MALRD1: variants seen among roughly 807,000 people sequenced by gnomAD.
MALRD1 encodes MAM and LDL receptor class A domain containing 1.
In MALRD1, 247 loss-of-function variants were observed where a neutral mutation model predicts 242.1. The ratio of observed to expected loss-of-function variants is 1.02; its 90% CI spans 0.92 to 1.13. MALRD1 has a LOEUF of 1.13. Ranked by LOEUF, MALRD1 falls within the 50% of genes most tolerant of loss-of-function variation. MALRD1 has a pLI of 0.00. For synonymous variants in MALRD1, 995 were observed against 866.6 expected (o/e 1.15, Z -2.60); for missense variants, 2,989 against 2,533.1 (o/e 1.18, Z -3.86).
intron 1 of MALRD1, chr10:19,051,609 G>T: frequency 6.4e-6 from 1 of 156,086 alleles, no homozygotes; most frequent in South Asian, 2.0e-4. Flanking sequence ...ATGATAATTG[G>T]ACCTCCAAGA....
intron 26 of MALRD1, among the ~76,000 whole-genome samples, chr10:19,377,160 C>T (rs1845645934): frequency 6.6e-6 from 1 of 151,934 alleles, no homozygotes. Context: ...TGTTCAAGCA[C>T]CTTAATTCCA....
intron 28 of MALRD1, among the ~76,000 whole-genome samples, chr10:19,423,119 TTGGGAAGCCTAGCAATGGCTGTTTG>T (rs1406085314): frequency 4.6e-5 from 7 of 152,170 alleles, no homozygotes; most frequent in Non-Finnish European, 7.3e-5. Context: ...TTAGCAAGTT[TTGGGAAGCCTAGCAATGGCTGTTTG>T]AGGATCATCT....
intron 26 of MALRD1, among the ~76,000 whole-genome samples, chr10:19,363,677 A>T (rs562758202): frequency 7.6e-4 from 116 of 152,262 alleles, no homozygotes; most frequent in African/African-American, 2.8e-3. Flanking sequence ...ATAAGAAGCA[A>T]CTGGAAGTTT....
intron 36 of MALRD1, among the ~76,000 whole-genome samples, chr10:19,617,224 T>G (rs2131613959): frequency 6.6e-6 from 1 of 151,886 alleles, no homozygotes; most frequent in East Asian, 2.0e-4. Flanking sequence ...ACTTGAAAAA[T>G]TAAAATCCAG....
intron 34 of MALRD1, among the ~76,000 whole-genome samples, chr10:19,606,026 A>G (rs1340756679): frequency 2.6e-5 from 4 of 152,240 alleles, no homozygotes; most frequent in Admixed American, 1.3e-4. Flanking sequence ...TTTTCAGTCA[A>G]TGGAGATACA....
At chr10:19,704,040 A>G (rs1303860681) in intron 38 of MALRD1, among the ~76,000 whole-genome samples, 1 of 152,240 alleles carries the variant, frequency 6.6e-6, no homozygotes, top group African/African-American at 2.4e-5. Flanking sequence ...AACATTTGCA[A>G]TAAATGTTTA....
At chr10:19,647,676 A>G (rs1414936159) in intron 36 of MALRD1, among the ~76,000 whole-genome samples, 1 of 152,192 alleles carries the variant, frequency 6.6e-6, no homozygotes, top group Non-Finnish European at 1.5e-5. Flanking sequence ...CAACTGGTTT[A>G]ACCTGGGATA....
Position 19,066,736 on chromosome 10 carries a change from T to C in MALRD1, c.217T>C (p.Cys73Arg), listed in dbSNP as rs1283802556. Residue 73 changes from cysteine to arginine, a missense_variant, in exon 2 of 40, where the codon TGT (cysteine) becomes CGT (arginine). Physicochemically the swap from Cys to Arg is radical, Grantham distance 180. Coordinates refer to ENST00000454679, the MANE Select transcript of MALRD1 (RefSeq NM_001142308.3). ...DERHCLNYER[C>R]DFEDGLCHMT... Reference sequence around the variant, plus strand: ...CTCATTAGGTTTGAATTATGAAAGATGTGATTTTGAGGATGGTCTCTGTCA... The same window carrying C: ...CTCATTAGGTTTGAATTATGAAAGACGTGATTTTGAGGATGGTCTCTGTCA... 2.4e-6 allele frequency: 3 copies of C among 1,233,624 alleles called. No homozygotes were observed. The highest frequency in any genetic ancestry group is 3.0e-6 in the Non-Finnish European group (3 of 988,024). The allele number at this position is 1,233,624 out of a possible 1,614,324, so 76.4% of individuals were successfully genotyped here. A position where few individuals can be genotyped will look rare whatever the true frequency, so the allele number is the denominator to read the frequency against.
intron 32 of MALRD1, among the ~76,000 whole-genome samples, chr10:19,533,725 A>G (rs1834529738): frequency 6.6e-6 from 1 of 152,208 alleles, no homozygotes; most frequent in South Asian, 2.1e-4. Flanking sequence ...GACAGCATCC[A>G]GCCATGACAG....
rs71387059 is a variant in MALRD1 at position 19,270,807 on chromosome 10, A to AACACACACAC, written c.3080-9213_3080-9204dup. On this transcript the variant is annotated intron_variant, in intron 19 of 39. Coordinates refer to ENST00000454679, the MANE Select transcript of MALRD1 (RefSeq NM_001142308.3). ...AGGGTTAAGATGGCATTCAAAGGAT[A>AACACACACAC]ACACACACACACACACACACACACA... 6.4e-3 allele frequency among the ~76,000 whole-genome samples: 934 copies of AACACACACAC among 145,132 alleles called. 4 individuals are homozygous for AACACACACAC. Among genetic ancestry groups the AACACACACAC allele is most frequent in the East Asian group, 0.022 (103 of 4,750 alleles).
At chr10:19,638,947 C>G (rs747400636) in intron 36 of MALRD1, among the ~76,000 whole-genome samples, 1 of 151,682 alleles carries the variant, frequency 6.6e-6, no homozygotes, top group Admixed American at 6.6e-5. Flanking sequence ...CTCATGAATA[C>G]TAAGTTCTCA....
chr10:19,470,082 G>A (rs6481940), intron 29 of MALRD1, among the ~76,000 whole-genome samples: 130,778 of 151,756 alleles, frequency 0.86, 56,513 homozygotes, highest in East Asian at 1. Context: ...CTGAACCTTT[G>A]TACCCCTTAA....
intron 18 of MALRD1, among the ~76,000 whole-genome samples, chr10:19,238,899 T>C (rs1169328490): frequency 1.3e-5 from 2 of 151,942 alleles, no homozygotes; most frequent in African/African-American, 4.8e-5. Flanking sequence ...GTCTTTTACC[T>C]TTTTGGTAAT....
intron 23 of MALRD1, among the ~76,000 whole-genome samples, chr10:19,330,860 TA>T (rs71784448): frequency 0.084 from 12,304 of 146,894 alleles, 1,061 homozygotes; most frequent in African/African-American, 0.23. Flanking sequence ...GTGTACAATT[TA>T]AAAAAAAAAA....
chr10:19,386,616 C>T (rs1257465222), intron 26 of MALRD1, among the ~76,000 whole-genome samples: 1 of 152,084 alleles, frequency 6.6e-6, no homozygotes, highest in Non-Finnish European at 1.5e-5. Flanking sequence ...TTATTTCCCT[C>T]ATTCATGTAT....
At chr10:19,622,504 C>T (rs1348698162) in intron 36 of MALRD1, among the ~76,000 whole-genome samples, 2 of 151,588 alleles carry the variant, frequency 1.3e-5, no homozygotes, top group Admixed American at 6.6e-5. Context: ...GACTCAACAT[C>T]GTAAAGGTGT....
chr10:19,569,749 G>T, intron 33 of MALRD1, among the ~76,000 whole-genome samples: 1 of 145,196 alleles, frequency 6.9e-6, no homozygotes, highest in South Asian at 2.1e-4. Flanking sequence ...TCCATATATA[G>T]AATTCCATAT....
chr10:19,289,687 T>C (rs1044219785), intron 21 of MALRD1, among the ~76,000 whole-genome samples: 8 of 152,172 alleles, frequency 5.3e-5, no homozygotes, highest in African/African-American at 1.9e-4. Flanking sequence ...CTATAGCTCA[T>C]AGTAAGATTC....
intron 18 of MALRD1, among the ~76,000 whole-genome samples, chr10:19,215,569 C>T (rs754162831): frequency 2.6e-5 from 4 of 152,030 alleles, no homozygotes; most frequent in Non-Finnish European, 4.4e-5. Context: ...GTGATTTCAC[C>T]GTTCTTTCAC....
Sources: gnomAD v4.1 joint callset for allele counts (sites outside exome capture counted in the v4.1 genomes callset) on GRCh38, gnomAD v4.1.1 for gene constraint, MANE v1.5 for transcripts, NCBI Gene and HGNC (gene_info 2026-07-23, HGNC 2026-07-21) for gene names.